HDAC9: variants seen among roughly 807,000 people sequenced by gnomAD.
HDAC9 encodes MEF-2 interacting transcription repressor (MITR) protein.
In HDAC9, 41 loss-of-function variants were observed where a neutral mutation model predicts 139.4. That is an observed-to-expected ratio of 0.29 (90% CI 0.23 to 0.38). The LOEUF (loss-of-function observed/expected upper bound fraction) is 0.38, where lower values mean the gene tolerates loss of function less well. Ranked by LOEUF, HDAC9 falls within the 10% of genes least tolerant of loss-of-function variation. The pLI is 1.00. For synonymous variants in HDAC9, 517 were observed against 476.2 expected, an observed-to-expected ratio of 1.09 and a Z score of -1.12; for missense variants, 1,147 against 1,297.0, an observed-to-expected ratio of 0.88 and a Z score of 1.78.
At chr7:18,695,388 T>TATC (rs1554330863) in intron 12 of HDAC9, among the ~76,000 whole-genome samples, 4 of 152,192 alleles carry the variant, frequency 2.6e-5, no homozygotes, top group Admixed American at 2.6e-4. Flanking sequence ...TAACAAATAA[T>TATC]ATCAACATAA....
At chr7:18,233,964 C>A (rs1345193718) in intron 2 of HDAC9, among the ~76,000 whole-genome samples, 1 of 151,996 alleles carries the variant, frequency 6.6e-6, no homozygotes, top group Non-Finnish European at 1.5e-5. Context: ...TAGTCATCTG[C>A]ATCAATTACA....
intron 1 of HDAC9, among the ~76,000 whole-genome samples, chr7:18,426,144 G>A (rs191237745): frequency 5.0e-4 from 76 of 152,332 alleles, no homozygotes; most frequent in African/African-American, 1.8e-3. Flanking sequence ...TGAGCCACAT[G>A]TGACTAAATC....
At chr7:18,508,138 ATG>A (rs1800368890) in intron 2 of HDAC9, among the ~76,000 whole-genome samples, 1 of 152,208 alleles carries the variant, frequency 6.6e-6, no homozygotes, top group African/African-American at 2.4e-5. Context: ...GGAATGATGG[ATG>A]GATAGATAAA....
intron 12 of HDAC9, among the ~76,000 whole-genome samples, chr7:18,679,521 T>C (rs1330670110): frequency 2.6e-5 from 4 of 151,356 alleles, no homozygotes; most frequent in African/African-American, 4.8e-5. Context: ...CTTTCCTTTC[T>C]TTCTTTCTTC....
intron 22 of HDAC9, among the ~76,000 whole-genome samples, chr7:18,893,496 T>TA (rs1206770159): frequency 6.6e-6 from 1 of 152,160 alleles, no homozygotes; most frequent in Non-Finnish European, 1.5e-5. Flanking sequence ...GGCTTATATT[T>TA]AAACTGTGCT....
intron 2 of HDAC9, among the ~76,000 whole-genome samples, chr7:18,172,429 G>GT (rs1453310759): frequency 1.1e-4 from 16 of 151,968 alleles, no homozygotes; most frequent in African/African-American, 3.1e-4. Context: ...TTTTTGAAGG[G>GT]TTTTTTATGT....
intron 12 of HDAC9, among the ~76,000 whole-genome samples, chr7:18,708,468 G>GT (rs1012875047): frequency 6.6e-6 from 1 of 152,200 alleles, no homozygotes; most frequent in Non-Finnish European, 1.5e-5. Context: ...ATAACTTGCA[G>GT]TTTTTGCAGA....
chr7:18,851,021 C>G (rs571523809), intron 21 of HDAC9, among the ~76,000 whole-genome samples: 1 of 152,266 alleles, frequency 6.6e-6, no homozygotes, highest in East Asian at 1.9e-4. Flanking sequence ...TTATAGGGGA[C>G]ACATTTAGGC....
intron 16 of HDAC9, among the ~76,000 whole-genome samples, chr7:18,776,508 C>T (rs1354439440): frequency 1.3e-5 from 2 of 152,038 alleles, no homozygotes; most frequent in African/African-American, 4.8e-5. Flanking sequence ...CTGAACAAAA[C>T]AGAAAACGTT....
chr7:18,342,222 G>C (rs1562896372), intron 1 of HDAC9, among the ~76,000 whole-genome samples: 1 of 151,742 alleles, frequency 6.6e-6, no homozygotes, highest in Non-Finnish European at 1.5e-5. Context: ...TCTTCCTCCT[G>C]TGAACGCTTT....
intron 21 of HDAC9, among the ~76,000 whole-genome samples, chr7:18,857,215 A>C (rs1202625221): frequency 2.0e-5 from 3 of 151,288 alleles, no homozygotes; most frequent in African/African-American, 7.3e-5. Context: ...TTTTTTTTTA[A>C]CTGTGTTGCA....
chr7:18,161,696 A>T (rs1184720336), intron 1 of HDAC9, among the ~76,000 whole-genome samples: 1 of 152,162 alleles, frequency 6.6e-6, no homozygotes, highest in Admixed American at 6.5e-5. Flanking sequence ...AAGATTACAA[A>T]AGACCTCAAG....
chr7:18,835,554 A>T lies in HDAC9; in HGVS notation c.2554A>T (p.Asn852Tyr). The T allele has an allele frequency of 6.2e-7, 1 of 1,613,732 alleles. No homozygotes were observed. The highest frequency in any genetic ancestry group is 8.5e-7 in the Non-Finnish European group (1 of 1,179,724). The change falls in exon 20 of 26, where the codon AAC (asparagine) becomes TAC (tyrosine). Residue 852 changes from asparagine (N) to tyrosine (Y), a missense_variant. Physicochemically the swap from Asn to Tyr is moderately radical, Grantham distance 143. This residue lies in a region of HDAC9 where 407 missense variants were observed against 521.5 expected (regional missense o/e 0.78). Transcript: ENST00000686413. ...YISLHRYDEG[N>Y]FFPGSGAPNE... ...TTCACTCCATCGCTATGATGAAGGG[A>T]ACTTTTTCCCTGGCAGTGGAGCCCC...
intron 1 of HDAC9, among the ~76,000 whole-genome samples, chr7:18,301,766 A>G (rs1004419188): frequency 1.3e-5 from 2 of 152,186 alleles, no homozygotes; most frequent in Non-Finnish European, 1.5e-5. Flanking sequence ...TTCTCCCACC[A>G]GACACTCATG....
chr7:18,826,864 G>T (rs1349289690), intron 17 of HDAC9, among the ~76,000 whole-genome samples: 1 of 149,762 alleles, frequency 6.7e-6, no homozygotes, highest in East Asian at 1.9e-4. Context: ...AACTTTTCTG[G>T]TAAGACCCAT....
chr7:18,435,581 C>A (rs927766467), intron 1 of HDAC9, among the ~76,000 whole-genome samples: 2 of 151,792 alleles, frequency 1.3e-5, no homozygotes, highest in Non-Finnish European at 2.9e-5. Context: ...GTCTACATAG[C>A]CATTGACTTT....
intron 12 of HDAC9, among the ~76,000 whole-genome samples, chr7:18,718,236 G>T (rs1181834224): frequency 2.0e-5 from 3 of 151,922 alleles, no homozygotes; most frequent in Non-Finnish European, 4.4e-5. Flanking sequence ...TTTTTTGTTT[G>T]TTTTTTTGTT....
chr7:18,788,423 A>G (rs1184830926), intron 16 of HDAC9, among the ~76,000 whole-genome samples: 1 of 152,038 alleles, frequency 6.6e-6, no homozygotes, highest in Non-Finnish European at 1.5e-5. Flanking sequence ...ACTTTATTAT[A>G]TGGTGGCCAC....
At chr7:18,853,497 G>A (rs992956254) in intron 21 of HDAC9, among the ~76,000 whole-genome samples, 1 of 152,014 alleles carries the variant, frequency 6.6e-6, no homozygotes, top group Non-Finnish European at 1.5e-5. Context: ...TGTTTTGTTT[G>A]GCTTCTGAAA....
Sources: gnomAD v4.1 joint callset for allele counts (sites outside exome capture counted in the v4.1 genomes callset) on GRCh38, gnomAD v4.1.1 for gene constraint, gnomAD v4.1.1 regional missense constraint, MANE v1.5 for transcripts, NCBI Gene and HGNC (gene_info 2026-07-23, HGNC 2026-07-21) for gene names.